The following PCDH11X variants were observed in gnomAD, a reference collection of about 807,000 sequenced individuals.
PCDH11X encodes the protein protocadherin-11 X-linked.
PCDH11X carries 18 observed loss-of-function variants against 53.3 expected under a neutral mutation model. The observed-to-expected ratio is 0.34, with a 90% CI of 0.23 to 0.50. The LOEUF (loss-of-function observed/expected upper bound fraction) is 0.50, where lower values mean the gene tolerates loss of function less well. PCDH11X is among the 20% of genes least tolerant of loss of function. PCDH11X has a pLI of 0.98. For missense variants in PCDH11X, 570 were observed against 1,032.4 expected (o/e 0.55, Z 6.14); for synonymous variants, 279 against 393.3 (o/e 0.71, Z 3.44).
intron 1 of PCDH11X, among the ~76,000 whole-genome samples, chrX:91,799,484 A>G (rs1053030152): frequency 1.3e-4 from 15 of 111,469 alleles, no homozygotes; most frequent in Non-Finnish European, 1.9e-4. Flanking sequence ...TTGTTTAAAG[A>G]TTCACAAAAG....
rs1321873747 is a variant in PCDH11X, at chrX:92,335,118, C to T, written c.3145-52617C>T. ...TTACTCTATTTCTGACATTCCCAAA[C>T]CCCCTTTTCCTTTTTTAGCATGAAG... On this transcript the variant is annotated intron_variant, in intron 8 of 10. Coordinates refer to ENST00000682573, the MANE Select transcript of PCDH11X (RefSeq NM_032968.5). 4.5e-5 allele frequency among the ~76,000 whole-genome samples: 5 copies of T among 110,364 alleles called. No individual in the cohort carries two copies. In the East Asian group the frequency reaches 8.7e-4, roughly 19 times the overall value.
intron 4 of PCDH11X, among the ~76,000 whole-genome samples, chrX:91,821,992 A>G (rs1238397782): frequency 9.6e-6 from 1 of 103,825 alleles, no homozygotes; most frequent in Non-Finnish European, 1.9e-5. Context: ...ATTTGAGTAT[A>G]TTGAACCAGC....
chrX:92,018,793 AAC>A (rs2062838100), intron 6 of PCDH11X, among the ~76,000 whole-genome samples: 1 of 112,546 alleles, frequency 8.9e-6, no homozygotes, highest in East Asian at 2.8e-4. Context: ...AATGAAAAAG[AAC>A]AGTCTCATTG....
chrX:91,815,845 A>T (rs1187688633), intron 4 of PCDH11X, among the ~76,000 whole-genome samples: 2 of 110,518 alleles, frequency 1.8e-5, no homozygotes, highest in Non-Finnish European at 3.8e-5. Context: ...GCAACATTAT[A>T]TAGTGGATAT....
At chrX:92,422,641 A>G (rs879022794) in intron 9 of PCDH11X, among the ~76,000 whole-genome samples, 2 of 111,187 alleles carry the variant, frequency 1.8e-5, no homozygotes, top group African/African-American at 6.5e-5. Flanking sequence ...TTTTTTTCGT[A>G]TAATGACTTA....
chrX:91,873,919 G>A (rs1330930943), intron 5 of PCDH11X, among the ~76,000 whole-genome samples: 2 of 110,667 alleles, frequency 1.8e-5, no homozygotes, highest in African/African-American at 6.6e-5. Flanking sequence ...AAATCCGTTA[G>A]TGTCAATACC....
At chrX:91,840,415 A>C (rs1206089100) in intron 5 of PCDH11X, among the ~76,000 whole-genome samples, 1 of 111,428 alleles carries the variant, frequency 9.0e-6, no homozygotes, top group Non-Finnish European at 1.9e-5. Context: ...GTTTCTACCC[A>C]TCCCATAAGG....
rs1398140073 is a variant in PCDH11X, at chrX:92,135,051, G to A, written c.3034-66324G>A. Among the ~76,000 whole-genome samples, 9 of 109,784 alleles carry A rather than the reference G, an allele frequency of 8.2e-5. No homozygotes were observed. In the South Asian group the frequency reaches 3.6e-3, roughly 44 times the overall value. On this transcript the variant is annotated intron_variant, in intron 6 of 10. Transcript: ENST00000682573. ...TTCAAATGCCTCTGACAACAGGAAG[G>A]ACTATTTCTAGATATTACAAATAAA...
At chrX:92,335,686 C>G (rs759276144) in intron 8 of PCDH11X, among the ~76,000 whole-genome samples, 12 of 111,297 alleles carry the variant, frequency 1.1e-4, no homozygotes, top group Admixed American at 1.9e-4. Context: ...CAATGAGTAA[C>G]AAAAAGCAAC....
In PCDH11X at chrX:92,457,119, T is replaced by C. The variant is rs1358847792; in HGVS notation, c.3344-11180T>C. On this transcript the variant is annotated intron_variant, in intron 9 of 10. Transcript: ENST00000682573. ...AACGGATTTGATTTTATTCCATTCC[T>C]TTGTTATAATGGAAAACAAATTTTC... Among the ~76,000 whole-genome samples the C allele has an allele frequency of 4.5e-5, 5 of 110,640 alleles. No individual in the cohort carries two copies. In the East Asian group the frequency reaches 1.4e-3, roughly 31 times the overall value.
intron 10 of PCDH11X, among the ~76,000 whole-genome samples, chrX:92,523,373 C>A (rs1479787272): frequency 8.9e-6 from 1 of 111,914 alleles, no homozygotes; most frequent in Non-Finnish European, 1.9e-5. Flanking sequence ...TGCATCCAGT[C>A]ATTTCCTCTT....
At chrX:92,218,343 A>G (rs2066770558) in intron 7 of PCDH11X, among the ~76,000 whole-genome samples, 1 of 111,165 alleles carries the variant, frequency 9.0e-6, no homozygotes, top group African/African-American at 3.3e-5. Flanking sequence ...AAATAGACGC[A>G]ATAAAAAATG....
intron 6 of PCDH11X, among the ~76,000 whole-genome samples, chrX:92,171,757 G>A (rs1367835627): frequency 9.0e-6 from 1 of 110,749 alleles, no homozygotes; most frequent in Non-Finnish European, 1.9e-5. Context: ...ACCGTGCCCG[G>A]CCCAGTTTGA....
intron 7 of PCDH11X, among the ~76,000 whole-genome samples, chrX:92,254,737 A>T (rs964969922): frequency 2.0e-4 from 22 of 108,506 alleles, no homozygotes; most frequent in South Asian, 1.7e-3. Flanking sequence ...TGGGTTGAAA[A>T]TTCTTTTCTT....
At chrX:92,019,432 G>A (rs1036911215) in intron 6 of PCDH11X, among the ~76,000 whole-genome samples, 2 of 110,528 alleles carry the variant, frequency 1.8e-5, no homozygotes, top group South Asian at 3.9e-4. Context: ...TCACCACATG[G>A]CATATACTCT....
intron 10 of PCDH11X, among the ~76,000 whole-genome samples, chrX:92,539,569 T>A (rs1162478254): frequency 4.5e-5 from 5 of 111,814 alleles, no homozygotes; most frequent in African/African-American, 1.6e-4. Flanking sequence ...AAAGGTCACA[T>A]GTCCCTGTTT....
At chrX:92,086,496 A>G (rs2063953218) in intron 6 of PCDH11X, among the ~76,000 whole-genome samples, 1 of 111,047 alleles carries the variant, frequency 9.0e-6, no homozygotes. Flanking sequence ...TGCCTAATTG[A>G]TAGTGTTTAT....
chrX:91,989,694 T>C (rs2062289689), intron 6 of PCDH11X, among the ~76,000 whole-genome samples: 1 of 111,131 alleles, frequency 9.0e-6, no homozygotes, highest in African/African-American at 3.3e-5. Flanking sequence ...GTTGTATATC[T>C]AATCAATTTA....
At chrX:91,924,044 C>CA (rs1308974545) in intron 6 of PCDH11X, among the ~76,000 whole-genome samples, 3 of 109,000 alleles carry the variant, frequency 2.8e-5, no homozygotes, top group East Asian at 2.9e-4. Context: ...TTGAAATTAT[C>CA]AAAAAAACTC....
Sources: allele counts gnomAD v4.1 joint callset (sites outside exome capture counted in the v4.1 genomes callset), GRCh38; gene constraint gnomAD v4.1.1; transcripts MANE v1.5; gene names NCBI Gene and HGNC (gene_info 2026-07-23, HGNC 2026-07-21).